The following NUMB variants were observed in gnomAD, a reference collection of about 807,000 sequenced individuals.
NUMB encodes NUMB endocytic adaptor protein.
Under a neutral mutation model 59.7 loss-of-function variants are expected in NUMB, and 29 were observed. The ratio of observed to expected loss-of-function variants is 0.49; its 90% CI spans 0.36 to 0.66. NUMB has a LOEUF of 0.66. NUMB is among the 30% of genes least tolerant of loss of function. NUMB has a pLI of 0.00. For missense variants in NUMB, 723 were observed against 822.0 expected, an observed-to-expected ratio of 0.88 and a Z score of 1.47; for synonymous variants, 288 against 288.2, an observed-to-expected ratio of 1.00 and a Z score of 0.01.
intron 2 of NUMB, among the ~76,000 whole-genome samples, chr14:73,372,303 T>TTTTATA (rs1555375676): frequency 2.1e-5 from 1 of 47,324 alleles, no homozygotes; most frequent in African/African-American, 1.2e-4. Flanking sequence ...TATATATTTC[T>TTTTATA]TTTATATATA....
chr14:73,394,243 G>C (rs892034760), intron 2 of NUMB, among the ~76,000 whole-genome samples: 15 of 152,102 alleles, frequency 9.9e-5, no homozygotes, highest in African/African-American at 2.9e-4. Context: ...TGCATCCCGG[G>C]AGACAAATAA....
At chr14:73,290,851 G>A (rs534476059) in intron 8 of NUMB, among the ~76,000 whole-genome samples, 138 of 152,118 alleles carry the variant, frequency 9.1e-4, no homozygotes, top group Middle Eastern at 6.8e-3. Flanking sequence ...GTGTCATGTC[G>A]GTGCTCAAAA....
chr14:73,282,112 A>T, intron 11 of NUMB: 1 of 423,122 alleles, frequency 2.4e-6, no homozygotes, highest in Non-Finnish European at 4.2e-6. Context: ...GGGACTACAG[A>T]AATTCCTTAT....
chr14:73,410,945 T>C (rs916511695), intron 1 of NUMB, among the ~76,000 whole-genome samples: 2 of 152,212 alleles, frequency 1.3e-5, no homozygotes, highest in Non-Finnish European at 2.9e-5. Flanking sequence ...AATAGACACA[T>C]ATATCTCAAA....
rs1230785169 is a variant in NUMB at position 73,395,037 on chromosome 14, T to TTATGTGTGTGTGTGTGTGTGTGTG, written c.-101+14899_-101+14900insCACACACACACACACACACACATA. Among the ~76,000 whole-genome samples, 16 of 120,000 alleles carry TTATGTGTGTGTGTGTGTGTGTGTG rather than the reference T, an allele frequency of 1.3e-4. 2 individuals carry two copies. The highest frequency in any genetic ancestry group is 5.2e-4 in the East Asian group (2 of 3,814). 78.7% of individuals were successfully genotyped at this position (120,000 alleles called of 152,430 possible). On this transcript the variant is annotated intron_variant, in intron 2 of 12. Transcript: ENST00000555238. ...TTAAGGTTGAATAGTATTCGTGTGT[T>TTATGTGTGTGTGTGTGTGTGTGTG]TGTGTGTGTGTGTGTGTGTGTGTGT...
chr14:73,329,113 C>A (rs1305191185), intron 4 of NUMB, among the ~76,000 whole-genome samples: 1 of 152,216 alleles, frequency 6.6e-6, no homozygotes, highest in African/African-American at 2.4e-5. Context: ...GGTGATCCAC[C>A]CGCCTCGGCC....
chr14:73,431,739 A>G (rs1019877523), intron 1 of NUMB, among the ~76,000 whole-genome samples: 1 of 151,734 alleles, frequency 6.6e-6, no homozygotes, highest in Non-Finnish European at 1.5e-5. Context: ...ACAGAGCAAG[A>G]CTCCGTCTCA....
intron 4 of NUMB, among the ~76,000 whole-genome samples, chr14:73,339,993 G>T (rs1032565529): frequency 6.6e-6 from 1 of 150,876 alleles, no homozygotes. Context: ...GAAGTGGTGG[G>T]GGGGACACAC....
intron 3 of NUMB, chr14:73,356,907 A>T: frequency 4.8e-6 from 1 of 209,914 alleles, no homozygotes; most frequent in Non-Finnish European, 8.3e-6. Flanking sequence ...TATGTTGATC[A>T]GGCTGGTCTG....
intron 1 of NUMB, among the ~76,000 whole-genome samples, chr14:73,450,836 A>G (rs557072765): frequency 1.3e-5 from 2 of 151,618 alleles, no homozygotes; most frequent in African/African-American, 4.8e-5. Flanking sequence ...TTCTTATAAC[A>G]AAGTCGCTTA....
chr14:73,382,180 C>T (rs868803182), intron 2 of NUMB, among the ~76,000 whole-genome samples: 1 of 152,144 alleles, frequency 6.6e-6, no homozygotes, highest in African/African-American at 2.4e-5. Flanking sequence ...GAGTTTTGCT[C>T]TTGTTGCCCA....
At chr14:73,277,688 A>G (rs949899899) in intron 12 of NUMB, among the ~76,000 whole-genome samples, 4 of 152,042 alleles carry the variant, frequency 2.6e-5, no homozygotes, top group African/African-American at 9.7e-5. Flanking sequence ...CTTGAGCCCA[A>G]GAGCTGGAGG....
intron 7 of NUMB, among the ~76,000 whole-genome samples, chr14:73,294,244 G>A (rs574561695): frequency 1.2e-4 from 18 of 152,188 alleles, no homozygotes; most frequent in South Asian, 6.2e-4. Flanking sequence ...GTCTTGCTCC[G>A]TCATCCAGGC....
chr14:73,392,450 G>A (rs1221968065), intron 2 of NUMB, among the ~76,000 whole-genome samples: 1 of 152,184 alleles, frequency 6.6e-6, no homozygotes, highest in Non-Finnish European at 1.5e-5. Context: ...ATTTTCAGAT[G>A]AGAAGACATT....
At chr14:73,370,445 A>T (rs1566765515) in intron 2 of NUMB, among the ~76,000 whole-genome samples, 1 of 152,202 alleles carries the variant, frequency 6.6e-6, no homozygotes, top group Non-Finnish European at 1.5e-5. Flanking sequence ...TAATCCCAGC[A>T]CTTTGGGAGG....
At chr14:73,393,766 C>A (rs1209217636) in intron 2 of NUMB, among the ~76,000 whole-genome samples, 1 of 152,164 alleles carries the variant, frequency 6.6e-6, no homozygotes, top group African/African-American at 2.4e-5. Flanking sequence ...AAATAAAGCA[C>A]TTTCATTTTA....
rs771155471 is a variant in NUMB at position 73,282,477 on chromosome 14, G to A, written c.978C>T (p.Ser326=). ...TGATCTGTGAGCACAGGGAGCTGAT[G>A]CTCTCTGCCTCCCCTTCTACTTCTG... is the stretch of plus-strand genomic sequence containing the variant. The part of the protein sequence containing the change: ...AVPEVEGEAE[S]ISSLCSQITN... The change falls in exon 11 of 13, where the codon AGC becomes AGT. Residue 326 remains serine (S), a synonymous_variant. Coordinates refer to ENST00000555238, the MANE Select transcript of NUMB (RefSeq NM_001005743.2). 5.6e-5 allele frequency: 90 copies of A among 1,613,990 alleles called. No individual in the cohort carries two copies. The highest frequency in any genetic ancestry group is 7.5e-5 in the Non-Finnish European group (88 of 1,180,016).
intron 4 of NUMB, among the ~76,000 whole-genome samples, chr14:73,346,018 T>C (rs944624130): frequency 3.9e-5 from 6 of 152,196 alleles, no homozygotes; most frequent in African/African-American, 1.2e-4. Context: ...AAAATAACTA[T>C]ATTTTCCAAA....
At chr14:73,434,370 ATTAG>A (rs1415563601) in intron 1 of NUMB, among the ~76,000 whole-genome samples, 1 of 152,172 alleles carries the variant, frequency 6.6e-6, no homozygotes, top group African/African-American at 2.4e-5. Flanking sequence ...TGAGGATTAA[ATTAG>A]TTAGTGCATG....
Sources: gnomAD v4.1 joint callset for allele counts (sites outside exome capture counted in the v4.1 genomes callset) on GRCh38, gnomAD v4.1.1 for gene constraint, MANE v1.5 for transcripts, NCBI Gene and HGNC (gene_info 2026-07-23, HGNC 2026-07-21) for gene names.